Variants in RAB6A observed in about 807,000 individuals in gnomAD.
The protein encoded by RAB6A is ras-related protein Rab-6A.
Under a neutral mutation model 32.3 loss-of-function variants are expected in RAB6A, and 8 were observed. That is an observed-to-expected ratio of 0.25 (90% confidence interval 0.15 to 0.45). The LOEUF (loss-of-function observed/expected upper bound fraction) is 0.45. RAB6A is among the 20% of genes least tolerant of loss of function. The pLI, the probability that RAB6A is intolerant of heterozygous loss-of-function variation, is 1.00. For synonymous variants in RAB6A, 73 were observed against 82.1 expected (o/e 0.89, Z 0.60); for missense variants, 104 against 249.4 (o/e 0.42, Z 3.93).
intron 1 of RAB6A, among the ~76,000 whole-genome samples, chr11:73,747,254 G>A (rs1946603849): frequency 6.6e-6 from 1 of 150,792 alleles, no homozygotes; most frequent in South Asian, 2.1e-4. Flanking sequence ...CGCCCAGGCT[G>A]GAGTGCAGTG....
intron 1 of RAB6A, among the ~76,000 whole-genome samples, chr11:73,732,463 G>A (rs1946330321): frequency 6.6e-6 from 1 of 152,194 alleles, no homozygotes; most frequent in Non-Finnish European, 1.5e-5. Context: ...GCGGGCACCT[G>A]TAGTCTCAGC....
At chr11:73,753,183 G>C (rs1019237670) in intron 1 of RAB6A, among the ~76,000 whole-genome samples, 1 of 152,118 alleles carries the variant, frequency 6.6e-6, no homozygotes, top group African/African-American at 2.4e-5. Context: ...CCAGGAGCTC[G>C]TGGCTGCAGT....
rs570858895 is a variant in RAB6A at position 73,700,619 on chromosome 11, G to C, written c.495+6801C>G. 3.7e-3 allele frequency among the ~76,000 whole-genome samples: 463 copies of C among 125,372 alleles called. 23 individuals carry two copies. Among genetic ancestry groups the C allele is most frequent in the Non-Finnish European group, 5.4e-3 (318 of 58,928 alleles). 82.2% of individuals were successfully genotyped at this position (125,372 alleles called of 152,430 possible). A position where few individuals can be genotyped will look rare whatever the true frequency, so the allele number is the denominator to read the frequency against. ...AAAAAAGTGTGTGTGTGGGGGGGGG[G>C]GGGGGAGGAGGGTAGTGGATGAGAA... On this transcript the variant is annotated intron_variant, in intron 6 of 7. Coordinates refer to ENST00000336083, the MANE Select transcript of RAB6A (RefSeq NM_198896.2).
chr11:73,744,074 C>A (rs577536163), intron 1 of RAB6A, among the ~76,000 whole-genome samples: 2 of 152,182 alleles, frequency 1.3e-5, no homozygotes, highest in South Asian at 4.1e-4. Context: ...CGCAGTGGCT[C>A]ACGCCTGTAA....
intron 6 of RAB6A, 133 bp from the exon 7 acceptor site, chr11:73,679,853 ACCCAC>A: frequency 8.4e-7 from 1 of 1,194,952 alleles, no homozygotes; most frequent in Admixed American, 2.0e-5. Context: ...GCACTTTGGG[ACCCAC>A]CCGAGGTGGG....
At chr11:73,704,047 T>A in intron 6 of RAB6A, 1 of 154,082 alleles carries the variant, frequency 6.5e-6, no homozygotes, top group Non-Finnish European at 1.4e-5. Flanking sequence ...AAAAAAAATT[T>A]CTAACATCAG....
At chr11:73,707,009 C>T (rs574045306) in intron 6 of RAB6A, among the ~76,000 whole-genome samples, 18 of 151,642 alleles carry the variant, frequency 1.2e-4, no homozygotes, top group Non-Finnish European at 1.6e-4. Flanking sequence ...TCCCAGCTAC[C>T]CGAGAGGCTG....
intron 5 of RAB6A, among the ~76,000 whole-genome samples, chr11:73,714,389 C>T (rs940508917): frequency 1.3e-5 from 2 of 151,534 alleles, no homozygotes; most frequent in South Asian, 2.1e-4. Flanking sequence ...AGGCCGGGCG[C>T]GGTGACTCAC....
chr11:73,754,231 C>A (rs1946711048), intron 1 of RAB6A, among the ~76,000 whole-genome samples: 1 of 152,168 alleles, frequency 6.6e-6, no homozygotes, highest in African/African-American at 2.4e-5. Context: ...AGTTTTAAGG[C>A]TTCAGAACAA....
chr11:73,697,156 T>C (rs1945667161), intron 6 of RAB6A, among the ~76,000 whole-genome samples: 2 of 152,156 alleles, frequency 1.3e-5, no homozygotes. Context: ...ACTTGAAGCT[T>C]GGCATGCTCT....
At chr11:73,705,574 A>G (rs11829005) in intron 6 of RAB6A, among the ~76,000 whole-genome samples, 3,193 of 152,132 alleles carry the variant, frequency 0.021, 112 homozygotes, top group African/African-American at 0.072. Context: ...AATATAAGAG[A>G]AAATATATAT....
chr11:73,759,108 T>C (rs558979071), intron 1 of RAB6A, among the ~76,000 whole-genome samples: 44 of 152,302 alleles, frequency 2.9e-4, no homozygotes, highest in Middle Eastern at 3.4e-3. Flanking sequence ...AAAGTAGTAA[T>C]AAAAGCTACG....
intron 1 of RAB6A, among the ~76,000 whole-genome samples, chr11:73,749,895 A>G (rs1229013409): frequency 6.6e-6 from 1 of 152,150 alleles, no homozygotes; most frequent in Non-Finnish European, 1.5e-5. Context: ...GTATGGTGTC[A>G]TATGCCTGTA....
chr11:73,751,132 GAGTC>G (rs1946664079), intron 1 of RAB6A, among the ~76,000 whole-genome samples: 1 of 152,026 alleles, frequency 6.6e-6, no homozygotes, highest in African/African-American at 2.4e-5. Flanking sequence ...AAAAAGAAAA[GAGTC>G]AGGCTCACTG....
At chr11:73,683,976 A>G (rs1945399730) in intron 6 of RAB6A, among the ~76,000 whole-genome samples, 1 of 152,238 alleles carries the variant, frequency 6.6e-6, no homozygotes, top group South Asian at 2.1e-4. Flanking sequence ...TTGTATTAAT[A>G]GTATTATTTT....
At chr11:73,705,767 T>TGAGA (rs3046616) in intron 6 of RAB6A, among the ~76,000 whole-genome samples, 11,674 of 134,692 alleles carry the variant, frequency 0.087, 698 homozygotes, top group East Asian at 0.23. Flanking sequence ...ATAATTCCGA[T>TGAGA]GAGAGAGAGA....
intron 2 of RAB6A, chr11:73,729,591 C>A (rs1946274259): frequency 6.6e-6 from 1 of 152,110 alleles, no homozygotes; most frequent in Non-Finnish European, 1.5e-5. Flanking sequence ...TCTGCTTTAA[C>A]CTTTATTAAC....
At chr11:73,759,003 A>G (rs565587854) in intron 1 of RAB6A, among the ~76,000 whole-genome samples, 1 of 152,322 alleles carries the variant, frequency 6.6e-6, no homozygotes, top group South Asian at 2.1e-4. Context: ...TAATCTACAC[A>G]TGAAAGGAGA....
intron 1 of RAB6A, among the ~76,000 whole-genome samples, chr11:73,738,088 C>T (rs1298067620): frequency 6.6e-6 from 1 of 150,492 alleles, no homozygotes; most frequent in African/African-American, 2.4e-5. Context: ...GATATGTAAA[C>T]TTTAGCTCCA....
Sources: gnomAD v4.1 joint callset for allele counts (sites outside exome capture counted in the v4.1 genomes callset) on GRCh38, gnomAD v4.1.1 for gene constraint, MANE v1.5 for transcripts, NCBI Gene and HGNC (gene_info 2026-07-23, HGNC 2026-07-21) for gene names.